TRIO: variants seen among roughly 807,000 people sequenced by gnomAD.
TRIO encodes triple functional domain protein.
TRIO carries 58 observed loss-of-function variants against 351.9 expected under a neutral mutation model. The ratio of observed to expected loss-of-function variants is 0.16; its 90% CI spans 0.13 to 0.21. The LOEUF is 0.21. TRIO is among the 10% of genes least tolerant of loss of function. TRIO has a pLI of 1.00. For synonymous variants in TRIO, 1,758 were observed against 1,595.7 expected (o/e 1.10, Z -2.42); for missense variants, 3,201 against 4,027.8 (o/e 0.79, Z 5.56).
chr5:14,169,154 G>A (rs1485707964), intron 1 of TRIO, among the ~76,000 whole-genome samples: 11 of 146,750 alleles, frequency 7.5e-5, no homozygotes, highest in Non-Finnish European at 1.2e-4. Flanking sequence ...GTCTACTTAT[G>A]TTCAACTCCG....
chr5:14,312,014 G>A (rs1738973374), intron 8 of TRIO, among the ~76,000 whole-genome samples: 1 of 152,144 alleles, frequency 6.6e-6, no homozygotes, highest in South Asian at 2.1e-4. Context: ...TGTTGCTTTT[G>A]CAGTGGTAAG....
intron 27 of TRIO, among the ~76,000 whole-genome samples, chr5:14,392,340 T>C (rs1236677611): frequency 6.6e-6 from 1 of 152,166 alleles, no homozygotes. Context: ...AAACTCATCA[T>C]CACTGGTCAT....
chr5:14,261,323 TCTG>T (rs1335153924), intron 1 of TRIO, among the ~76,000 whole-genome samples: 8 of 152,218 alleles, frequency 5.3e-5, no homozygotes, highest in Non-Finnish European at 1.5e-5. Context: ...GTACAGATGT[TCTG>T]AGGAGTTACA....
At chr5:14,420,746 C>G (rs1209118019) in intron 34 of TRIO, 1 of 152,526 alleles carries the variant, frequency 6.6e-6, no homozygotes, top group Non-Finnish European at 1.5e-5. Context: ...TATTCAGTTG[C>G]ATCAATATAA....
chr5:14,263,837 C>A (rs1581477570), intron 1 of TRIO, among the ~76,000 whole-genome samples: 1 of 152,186 alleles, frequency 6.6e-6, no homozygotes, highest in African/African-American at 2.4e-5. Context: ...CCCTGACAGG[C>A]TTTACAGGGA....
intron 33 of TRIO, among the ~76,000 whole-genome samples, chr5:14,417,422 C>T (rs552486188): frequency 2.0e-5 from 3 of 152,312 alleles, no homozygotes; most frequent in South Asian, 4.1e-4. Context: ...GGAGGATAAT[C>T]AACAGCACAC....
At chr5:14,377,689 G>T (rs904202952) in intron 19 of TRIO, among the ~76,000 whole-genome samples, 1 of 151,562 alleles carries the variant, frequency 6.6e-6, no homozygotes, top group Admixed American at 6.6e-5. Flanking sequence ...AGCCATTGTC[G>T]AATTGCATAT....
At chr5:14,250,811 C>T (rs1024820620) in intron 1 of TRIO, among the ~76,000 whole-genome samples, 1 of 152,176 alleles carries the variant, frequency 6.6e-6, no homozygotes, top group Admixed American at 6.5e-5. Flanking sequence ...GATTTAATAG[C>T]TGCCATGAAT....
chr5:14,151,227 G>T (rs33025), intron 1 of TRIO, among the ~76,000 whole-genome samples: 42,789 of 152,066 alleles, frequency 0.28, 6,263 homozygotes, highest in East Asian at 0.48. Context: ...TTAATAAATG[G>T]ATTTATGAAG....
intron 33 of TRIO, among the ~76,000 whole-genome samples, chr5:14,409,630 C>G (rs924416728): frequency 1.3e-5 from 2 of 151,946 alleles, no homozygotes; most frequent in South Asian, 2.1e-4. Context: ...GTCAGGAGAT[C>G]GAGACCATCC....
At chr5:14,195,793 C>T (rs1292972934) in intron 1 of TRIO, among the ~76,000 whole-genome samples, 4 of 152,060 alleles carry the variant, frequency 2.6e-5, no homozygotes, top group African/African-American at 7.2e-5. Context: ...TGGATTGCTC[C>T]GATTGTTCCA....
chr5:14,474,865 C>G lies in TRIO; in HGVS notation c.6083+768C>G, dbSNP rs144021204. ...CTTTTTTGGTTTTCGTAGACAAACA[C>G]GGGCTTGCTGTGTTGCCTAAGCTGG... On this transcript the variant is annotated intron_variant, in intron 40 of 56. Coordinates refer to ENST00000344204, the MANE Select transcript of TRIO (RefSeq NM_007118.4). Among the ~76,000 whole-genome samples the G allele has an allele frequency of 3.8e-3, 582 of 152,222 alleles. 1 individual carries two copies. The highest frequency in any genetic ancestry group is 0.013 in the African/African-American group (535 of 41,548).
intron 12 of TRIO, 72 bp from the exon 13 acceptor site, chr5:14,359,285 C>G: frequency 6.5e-7 from 1 of 1,536,948 alleles, no homozygotes; most frequent in Non-Finnish European, 8.9e-7. Flanking sequence ...TGAAGATTTG[C>G]GTGGCCGGAT....
At chr5:14,400,787 C>T (rs376121734) in intron 30 of TRIO, among the ~76,000 whole-genome samples, 176 bp from the exon 31 acceptor site, 1 of 152,298 alleles carries the variant, frequency 6.6e-6, no homozygotes, top group East Asian at 1.9e-4. Flanking sequence ...AAACCAGTCA[C>T]CTGTAGCCTA....
intron 1 of TRIO, among the ~76,000 whole-genome samples, chr5:14,258,224 C>A (rs1357012077): frequency 6.6e-6 from 1 of 152,242 alleles, no homozygotes; most frequent in African/African-American, 2.4e-5. Flanking sequence ...CCTCTCCACA[C>A]CTCATCCCCA....
intron 3 of TRIO, among the ~76,000 whole-genome samples, chr5:14,285,741 A>T (rs1326350018): frequency 6.6e-6 from 1 of 152,132 alleles, no homozygotes; most frequent in African/African-American, 2.4e-5. Context: ...AGGTACATTT[A>T]TGTTTGGGGA....
intron 27 of TRIO, 23 bp from the exon 28 acceptor site, chr5:14,394,015 T>C: frequency 6.4e-7 from 1 of 1,564,510 alleles, no homozygotes; most frequent in African/African-American, 1.4e-5. Flanking sequence ...ATAACTCTTG[T>C]TTCTTGTTTG....
At position 14,470,530 on chromosome 5, in the gene TRIO, A is replaced by G. The variant is rs149460382; in HGVS notation, c.5764-788A>G. Among the ~76,000 whole-genome samples, 402 of 152,376 alleles carry G rather than the reference A, an allele frequency of 2.6e-3. 2 individuals are homozygous for G. Among genetic ancestry groups the G allele is most frequent in the Middle Eastern group, 6.8e-3 (2 of 294 alleles). On this transcript the variant is annotated intron_variant, in intron 37 of 56. Transcript: ENST00000344204. ...AATATTTACCAAATTGAAAGCAATC[A>G]GTCACCAGTCATTGTCACATTAATC...
At chr5:14,197,419 G>A (rs888593602) in intron 1 of TRIO, among the ~76,000 whole-genome samples, 11 of 152,324 alleles carry the variant, frequency 7.2e-5, no homozygotes, top group African/African-American at 2.4e-4. Flanking sequence ...ATCTTGTGGA[G>A]ATGGGTCTTC....
Sources: allele counts gnomAD v4.1 joint callset (sites outside exome capture counted in the v4.1 genomes callset), GRCh38; gene constraint gnomAD v4.1.1; transcripts MANE v1.5; gene names NCBI Gene and HGNC (gene_info 2026-07-23, HGNC 2026-07-21).